Variants in FLT4 observed in about 807,000 individuals in gnomAD.
FLT4 encodes fms related receptor tyrosine kinase 4.
In FLT4, 30 loss-of-function variants were observed where a neutral mutation model predicts 163.2. The ratio of observed to expected loss-of-function variants is 0.18; its 90% CI spans 0.14 to 0.25. The LOEUF (loss-of-function observed/expected upper bound fraction) is 0.25. Among genes scored for constraint, FLT4 ranks in the 10% least tolerant of loss-of-function variants. The pLI is 1.00. For missense variants in FLT4, 1,510 were observed against 1,863.8 expected (o/e 0.81, Z 3.50); for synonymous variants, 884 against 789.5 (o/e 1.12, Z -2.01).
chr5:180,613,166 C>G, intron 24 of FLT4, 56 bp from the exon 25 acceptor site: 1 of 1,272,088 alleles, frequency 7.9e-7, no homozygotes, highest in Non-Finnish European at 1.1e-6. Flanking sequence ...CTCAGCCCAG[C>G]CCCCCAAGTC....
intron 1 of FLT4, among the ~76,000 whole-genome samples, chr5:180,641,072 C>T (rs1218891614): frequency 3.3e-5 from 5 of 152,196 alleles, no homozygotes; most frequent in Non-Finnish European, 5.9e-5. Flanking sequence ...TCTCAACCAT[C>T]ACCCTGAGCA....
intron 8 of FLT4, 101 bp downstream of exon 8, chr5:180,628,781 G>A (rs762332515): frequency 1.2e-5 from 10 of 824,932 alleles, no homozygotes; most frequent in Admixed American, 1.8e-5. Context: ...TCCGTGTGCA[G>A]GTCCTGACGG....
chr5:180,648,848 C>T (rs1450668282), intron 1 of FLT4, among the ~76,000 whole-genome samples: 1 of 152,196 alleles, frequency 6.6e-6, no homozygotes, highest in Non-Finnish European at 1.5e-5. Flanking sequence ...CCTGGCCTTC[C>T]GCCCCTTCTG....
rs2127811064 is a variant in FLT4, at chr5:180,620,299, C to T, written c.2416G>A (p.Ala806Thr). ...GACAGGTAGCCCGTCTTGATGTCTG[C>T]GTGGGCCGGCTGCGGGGAGGGGACA... ...IFCNMRRPAHADIKTGYLSII... is the reference protein window; with the variant it reads ...IFCNMRRPAHTDIKTGYLSII... Residue 806 changes from alanine to threonine, a missense_variant, in exon 17 of 30, where the codon GCA becomes ACA. By Grantham distance (58) the Ala-to-Thr change is moderately conservative (BLOSUM62 0). Transcript: ENST00000261937. The surrounding 1 kb of genome is among the most constrained non-coding windows in gnomAD (Gnocchi z 4.4). 2 of 1,611,574 alleles carry T rather than the reference C, an allele frequency of 1.2e-6. No individual in the cohort carries two copies. The highest frequency in any genetic ancestry group is 1.1e-5 in the South Asian group (1 of 91,068).
In FLT4 at chr5:180,619,782, G is replaced by A. The variant is rs1762980880; in HGVS notation, c.2543-13C>T. 3 of 1,600,144 alleles carry A rather than the reference G, an allele frequency of 1.9e-6. No individual in the cohort carries two copies. The highest frequency in any genetic ancestry group is 1.3e-5 in the African/African-American group (1 of 74,706). ...CCGAGCACTCTCCCTGTCGGGGCAG[G>A]GGGCCAGTTGCAGGTGAGCTGTACG... On this transcript the variant is annotated splice_polypyrimidine_tract_variant and intron_variant, in intron 17 of 29. Coordinates refer to ENST00000261937, the MANE Select transcript of FLT4 (RefSeq NM_182925.5).
chr5:180,619,541 T>C (rs548517798), intron 18 of FLT4, 124 bp downstream of exon 18: 252 of 1,009,324 alleles, frequency 2.5e-4, no homozygotes, highest in Admixed American at 6.3e-4. Context: ...AGCCTCCCTG[T>C]AGAATCTCGG....
intron 1 of FLT4, among the ~76,000 whole-genome samples, chr5:180,643,411 C>G (rs1475933895): frequency 1.3e-5 from 2 of 152,208 alleles, no homozygotes; most frequent in African/African-American, 4.8e-5. Flanking sequence ...GCCGCAGAAC[C>G]CCTCCCGGGC....
At chr5:180,611,618 C>G in intron 26 of FLT4, 139 bp from the exon 27 acceptor site, 1 of 884,960 alleles carries the variant, frequency 1.1e-6, no homozygotes, top group East Asian at 2.6e-5. Flanking sequence ...AGCTCTCGCC[C>G]CCGCCCTCGC....
rs766354915 is a variant in FLT4 at position 180,620,850 on chromosome 5, T to G, written c.2299+26A>C. 6.2e-7 allele frequency: 1 copy of G among 1,609,552 alleles called. No homozygotes were observed. Among genetic ancestry groups the G allele is most frequent in the Non-Finnish European group, 8.5e-7 (1 of 1,178,902 alleles). On this transcript the variant is annotated intron_variant, in intron 15 of 29. Transcript: ENST00000261937. The surrounding 1 kb of genome is among the most constrained non-coding windows in gnomAD (Gnocchi z 4.4). ...GCGTTAACTGGGGACGGGAAGGGAGTTGAGGGGTGCAGCCTGAGGCCAGAC... is the reference window on the plus strand; with the variant it reads ...GCGTTAACTGGGGACGGGAAGGGAGGTGAGGGGTGCAGCCTGAGGCCAGAC...
upstream of FLT4, chr5:180,649,687 C>T (rs935312433): frequency 1.3e-4 from 32 of 244,354 alleles, no homozygotes; most frequent in Non-Finnish European, 2.0e-4. Context: ...CTCCCCGCGC[C>T]CCCCTCCCCC....
chr5:180,604,710 G>A (rs1761698968), intron 29 of FLT4, among the ~76,000 whole-genome samples: 1 of 152,154 alleles, frequency 6.6e-6, no homozygotes, highest in African/African-American at 2.4e-5. Flanking sequence ...CTTCTTGTTT[G>A]GTGCTTTGCA....
chr5:180,620,851 TGAG>T lies in FLT4; in HGVS notation c.2299+22_2299+24del, dbSNP rs1763086019. On this transcript the variant is annotated intron_variant, in intron 15 of 29. Transcript: ENST00000261937. The surrounding 1 kb of genome is among the most constrained non-coding windows in gnomAD (Gnocchi z 4.4). ...CGTTAACTGGGGACGGGAAGGGAGT[TGAG>T]GGGTGCAGCCTGAGGCCAGACCTTC... is the stretch of plus-strand genomic sequence containing the variant. 1 of 1,609,754 alleles carries T rather than the reference TGAG, an allele frequency of 6.2e-7. No homozygotes were observed. Among genetic ancestry groups the T allele is most frequent in the South Asian group, 1.1e-5 (1 of 90,786 alleles).
chr5:180,605,451 T>C (rs1761736216), intron 29 of FLT4, among the ~76,000 whole-genome samples: 1 of 152,204 alleles, frequency 6.6e-6, no homozygotes, highest in Non-Finnish European at 1.5e-5. Context: ...TTTGAACAAT[T>C]GTCTACCGGG....
chr5:180,640,220 G>C (rs1410625251), intron 1 of FLT4, among the ~76,000 whole-genome samples: 3 of 152,180 alleles, frequency 2.0e-5, no homozygotes, highest in Non-Finnish European at 4.4e-5. Flanking sequence ...GGGGCAGCCG[G>C]CCGGCTGCGA....
chr5:180,646,952 G>A (rs1487699770), intron 1 of FLT4, among the ~76,000 whole-genome samples: 3 of 152,164 alleles, frequency 2.0e-5, no homozygotes, highest in East Asian at 1.9e-4. Flanking sequence ...AACAGCACCT[G>A]CATTCGAGTC....
At chr5:180,609,132 G>C in intron 28 of FLT4, 79 bp from the exon 29 acceptor site, 3 of 1,228,358 alleles carry the variant, frequency 2.4e-6, no homozygotes, top group Non-Finnish European at 3.6e-6. Context: ...CCAGGAAAGT[G>C]CGGCATGGTC....
At chr5:180,642,604 T>C (rs148048149) in intron 1 of FLT4, among the ~76,000 whole-genome samples, 1 of 152,154 alleles carries the variant, frequency 6.6e-6, no homozygotes, top group Non-Finnish European at 1.5e-5. Context: ...CCCCACTCTG[T>C]GCTCTCACCC....
rs2127826771 is a variant in FLT4 at position 180,625,932 on chromosome 5, G to A, written c.1358C>T (p.Pro453Leu). 1.2e-5 allele frequency: 19 copies of A among 1,612,790 alleles called. No individual in the cohort carries two copies. Among genetic ancestry groups the A allele is most frequent in the Non-Finnish European group, 1.5e-5 (18 of 1,179,974 alleles). ...CCGCCAGTGCCACTGGATGCTGAGA[G>A]GCAGGGGCACCCCGTAGGCCGTGCA... The part of the protein sequence containing the change: ...LTCTAYGVPL[P>L]LSIQWHWRPW... Residue 453 changes from proline (P) to leucine (L), a missense_variant, in exon 10 of 30, where the codon CCT (proline) becomes CTT (leucine). By Grantham distance (98) the Pro-to-Leu change is moderately conservative. Around this residue, in one of 5 missense-constraint regions of FLT4, gnomAD observed 878 missense variants for 1,016.7 expected, o/e 0.86. Coordinates refer to ENST00000261937, the MANE Select transcript of FLT4 (RefSeq NM_182925.5).
rs530013825 is a variant in FLT4, at chr5:180,631,659, C to A, written c.155+23G>T. 5.2e-5 allele frequency: 82 copies of A among 1,579,476 alleles called. No individual in the cohort carries two copies. The East Asian group carries it at 8.3e-4, about 16-fold the overall frequency. ...GGGCTTGTGCAGCCTCTCTGGCCTG[C>A]CAGTGGGAGAGGGACCCAGTACCTG... On this transcript the variant is annotated intron_variant, in intron 2 of 29. Coordinates refer to ENST00000261937, the MANE Select transcript of FLT4 (RefSeq NM_182925.5).
Sources: gnomAD v4.1 joint callset for allele counts (sites outside exome capture counted in the v4.1 genomes callset) on GRCh38, gnomAD v4.1.1 for gene constraint, gnomAD v4.1.1 regional missense constraint, Gnocchi (gnomAD v3.1) non-coding constraint, MANE v1.5 for transcripts, NCBI Gene and HGNC (gene_info 2026-07-23, HGNC 2026-07-21) for gene names.